USP12: variants seen among roughly 807,000 people sequenced by gnomAD.
USP12 encodes the protein ubiquitin specific peptidase 12.
Under a neutral mutation model 45.5 loss-of-function variants are expected in USP12, and 19 were observed. The ratio of observed to expected loss-of-function variants is 0.42; its 90% confidence interval spans 0.29 to 0.61. The LOEUF is 0.61. Among genes scored for constraint, USP12 ranks in the 20% least tolerant of loss-of-function variants. The pLI, the probability that USP12 is intolerant of heterozygous loss-of-function variation, is 0.22. For synonymous variants in USP12, 149 were observed against 148.8 expected, an observed-to-expected ratio of 1.00 and a Z score of -0.01; for missense variants, 242 against 447.7, an observed-to-expected ratio of 0.54 and a Z score of 4.15.
At chr13:27,153,224 T>C (rs1430575301) in intron 1 of USP12, among the ~76,000 whole-genome samples, 3 of 151,334 alleles carry the variant, frequency 2.0e-5, no homozygotes, top group African/African-American at 4.9e-5. Flanking sequence ...TACCAGCTAC[T>C]TGGGAGGCTG....
chr13:27,140,758 A>G (rs1257326775), intron 1 of USP12, among the ~76,000 whole-genome samples: 1 of 152,182 alleles, frequency 6.6e-6, no homozygotes, highest in Non-Finnish European at 1.5e-5. Flanking sequence ...TTAACTTAAA[A>G]TTCCAGTTTT....
rs1458787922 is a variant in USP12 at position 27,129,007 on chromosome 13, C to G, written c.49-12411G>C. ...AGTAACGGAGTTCATACTCCAGATTCCATATGCAGACTCTGACTCACCCTA... is the reference window on the plus strand; with the variant it reads ...AGTAACGGAGTTCATACTCCAGATTGCATATGCAGACTCTGACTCACCCTA... On this transcript the variant is annotated intron_variant, in intron 1 of 8. Coordinates refer to ENST00000282344, the MANE Select transcript of USP12 (RefSeq NM_182488.4). This position sits in a 1 kb window ranked among gnomAD's most constrained non-coding sequence, Gnocchi z 4.0. 6.6e-6 allele frequency among the ~76,000 whole-genome samples: 1 copy of G among 152,180 alleles called. No homozygotes were observed. Among genetic ancestry groups the G allele is most frequent in the Admixed American group, 6.5e-5 (1 of 15,286 alleles).
intron 1 of USP12, among the ~76,000 whole-genome samples, chr13:27,168,350 C>A (rs1259240072): frequency 6.6e-6 from 1 of 152,206 alleles, no homozygotes; most frequent in Non-Finnish European, 1.5e-5. Flanking sequence ...AGAGGCAGAG[C>A]TAACATTTAT....
intron 1 of USP12, among the ~76,000 whole-genome samples, chr13:27,121,100 G>A (rs1461605691): frequency 1.3e-5 from 2 of 152,092 alleles, no homozygotes; most frequent in East Asian, 1.9e-4. Flanking sequence ...GCATGAAGCC[G>A]AGATCTCTAA....
chr13:27,085,928 G>C (rs1873989123), intron 6 of USP12, among the ~76,000 whole-genome samples: 1 of 151,934 alleles, frequency 6.6e-6, no homozygotes, highest in Non-Finnish European at 1.5e-5. Flanking sequence ...CTACACCAGA[G>C]GCTGAGGCAG....
At chr13:27,103,372 C>T (rs1874959379) in intron 3 of USP12, among the ~76,000 whole-genome samples, 1 of 151,778 alleles carries the variant, frequency 6.6e-6, no homozygotes. Flanking sequence ...AACATATTTG[C>T]AAATGTCAGC....
intron 1 of USP12, among the ~76,000 whole-genome samples, chr13:27,122,652 A>T (rs1565996296): frequency 1.3e-5 from 2 of 151,518 alleles, no homozygotes; most frequent in African/African-American, 2.4e-5. Flanking sequence ...ACCCCATCTC[A>T]AAATAAATAA....
chr13:27,083,246 T>A (rs1343713638), intron 6 of USP12, among the ~76,000 whole-genome samples: 1 of 152,164 alleles, frequency 6.6e-6, no homozygotes, highest in African/African-American at 2.4e-5. Context: ...ATGAAAAAGT[T>A]TGAAATAGTG....
At chr13:27,107,279 C>T (rs367821269) in intron 2 of USP12, among the ~76,000 whole-genome samples, 18 of 152,080 alleles carry the variant, frequency 1.2e-4, no homozygotes, top group Non-Finnish European at 2.5e-4. Context: ...GAGCCAAGAT[C>T]GCACCACTGC....
chr13:27,078,263 T>C (rs1031699901), intron 6 of USP12, among the ~76,000 whole-genome samples: 4 of 151,970 alleles, frequency 2.6e-5, no homozygotes, highest in Non-Finnish European at 4.4e-5. Flanking sequence ...TTTAAAAAAA[T>C]ACAGTGTAAC....
intron 1 of USP12, among the ~76,000 whole-genome samples, chr13:27,133,033 A>C (rs1376718170): frequency 2.6e-5 from 4 of 152,222 alleles, no homozygotes; most frequent in African/African-American, 9.6e-5. Context: ...CTCTCTCAAG[A>C]AGCCCAGGGT....
At chr13:27,094,474 C>G (rs1159199902) in intron 4 of USP12, among the ~76,000 whole-genome samples, 1 of 151,982 alleles carries the variant, frequency 6.6e-6, no homozygotes, top group Non-Finnish European at 1.5e-5. Context: ...TGCACTAAAG[C>G]CTGGGCGACA....
chr13:27,086,996 C>T (rs549730970), intron 6 of USP12, among the ~76,000 whole-genome samples: 1 of 152,332 alleles, frequency 6.6e-6, no homozygotes, highest in African/African-American at 2.4e-5. Context: ...CTGAGCTCTT[C>T]CCCTCCCTTA....
intron 1 of USP12, among the ~76,000 whole-genome samples, chr13:27,122,868 C>T (rs1442379634): frequency 1.3e-5 from 2 of 151,826 alleles, no homozygotes; most frequent in South Asian, 2.1e-4. Flanking sequence ...CCGAGGCAGG[C>T]AGATCAAGAG....
At chr13:27,089,817 A>G (rs563681940) in intron 6 of USP12, 66 bp downstream of exon 6, 2 of 1,501,496 alleles carry the variant, frequency 1.3e-6, no homozygotes, top group South Asian at 2.4e-5. Context: ...TGTTTTTCTA[A>G]GCCCACCTCC....
chr13:27,106,332 T>A (rs1050466754), intron 2 of USP12, among the ~76,000 whole-genome samples: 1 of 150,744 alleles, frequency 6.6e-6, no homozygotes, highest in African/African-American at 2.4e-5. Context: ...TTACCAGCCA[T>A]GTCATTGGGG....
At chr13:27,108,843 A>G (rs1003732691) in intron 2 of USP12, among the ~76,000 whole-genome samples, 1 of 152,202 alleles carries the variant, frequency 6.6e-6, no homozygotes, top group African/African-American at 2.4e-5. Context: ...CTATAATCCC[A>G]GCTACTCAGG....
At chr13:27,154,248 T>C (rs1425868261) in intron 1 of USP12, among the ~76,000 whole-genome samples, 1 of 152,220 alleles carries the variant, frequency 6.6e-6, no homozygotes, top group Non-Finnish European at 1.5e-5. Context: ...AATCTTAACA[T>C]CCTAAAATAT....
At chr13:27,112,636 A>T (rs901866822) in intron 2 of USP12, among the ~76,000 whole-genome samples, 8 of 152,152 alleles carry the variant, frequency 5.3e-5, no homozygotes, top group Non-Finnish European at 1.2e-4. Flanking sequence ...ATTCAATCAT[A>T]TAATTCTCTA....
Sources: gnomAD v4.1 joint callset for allele counts (sites outside exome capture counted in the v4.1 genomes callset) on GRCh38, gnomAD v4.1.1 for gene constraint, Gnocchi (gnomAD v3.1) non-coding constraint, MANE v1.5 for transcripts, NCBI Gene and HGNC (gene_info 2026-07-23, HGNC 2026-07-21) for gene names.